SHROOM3: variants seen among roughly 807,000 people sequenced by gnomAD.
The protein encoded by SHROOM3 is shroom family member 3, also known as protein Shroom3.
SHROOM3 carries 47 observed loss-of-function variants against 138.6 expected under a neutral mutation model. That is an observed-to-expected ratio of 0.34 (90% CI 0.27 to 0.43). The LOEUF is 0.43. Ranked by LOEUF, SHROOM3 falls within the 20% of genes least tolerant of loss-of-function variation. SHROOM3 has a pLI of 1.00. For synonymous variants in SHROOM3, 1,062 were observed against 1,063.3 expected, an observed-to-expected ratio of 1.00 and a Z score of 0.02; for missense variants, 2,491 against 2,596.5, an observed-to-expected ratio of 0.96 and a Z score of 0.88.
At chr4:76,471,543 G>A (rs1731373814) in intron 1 of SHROOM3, among the ~76,000 whole-genome samples, 1 of 152,146 alleles carries the variant, frequency 6.6e-6, no homozygotes, top group African/African-American at 2.4e-5. Flanking sequence ...CGCCCAGCCA[G>A]TTTGTTCTTT....
At chr4:76,503,281 G>GT (rs1732139548) in intron 1 of SHROOM3, among the ~76,000 whole-genome samples, 1 of 151,822 alleles carries the variant, frequency 6.6e-6, no homozygotes, top group Admixed American at 6.6e-5. Flanking sequence ...TGAACGTTAT[G>GT]TTTAGGTCTT....
At chr4:76,483,971 A>C (rs1227798441) in intron 1 of SHROOM3, among the ~76,000 whole-genome samples, 2 of 119,242 alleles carry the variant, frequency 1.7e-5, no homozygotes, top group East Asian at 5.5e-4. Context: ...GGAGGGGAAT[A>C]TTACTTACTG....
At chr4:76,493,509 A>G (rs1293609658) in intron 1 of SHROOM3, among the ~76,000 whole-genome samples, 1 of 152,086 alleles carries the variant, frequency 6.6e-6, no homozygotes, top group Non-Finnish European at 1.5e-5. Context: ...GTCTTGATAG[A>G]TATGGTGTCC....
chr4:76,577,461 A>G (rs1733964769), intron 2 of SHROOM3, among the ~76,000 whole-genome samples: 1 of 152,190 alleles, frequency 6.6e-6, no homozygotes, highest in Non-Finnish European at 1.5e-5. Context: ...CAGCCTCCCT[A>G]GAGGCAGCAA....
In SHROOM3 at chr4:76,739,304, T is replaced by A; in HGVS notation, c.1131T>A (p.Pro377=). 1.2e-6 allele frequency: 2 copies of A among 1,613,904 alleles called. No individual in the cohort carries two copies. Among genetic ancestry groups the A allele is most frequent in the Non-Finnish European group, 1.7e-6 (2 of 1,179,954 alleles). ...SSLETATDNL[P]PKVGAPLPPA... ...TGGAGACTGCCACGGACAACCTTCC[T>A]CCTAAGGTGGGTGCACCCCTGCCTC... is the stretch of plus-strand genomic sequence containing the variant. Residue 377 remains proline, a synonymous_variant, in exon 5 of 11, where the codon CCT becomes CCA. Coordinates refer to ENST00000296043, the MANE Select transcript of SHROOM3 (RefSeq NM_020859.4).
At chr4:76,657,278 G>T (rs1456908102) in intron 2 of SHROOM3, among the ~76,000 whole-genome samples, 1 of 152,084 alleles carries the variant, frequency 6.6e-6, no homozygotes, top group Non-Finnish European at 1.5e-5. Flanking sequence ...AAACATTTAT[G>T]TAAGGCCGTT....
At chr4:76,732,995 C>T (rs1290867519) in intron 4 of SHROOM3, among the ~76,000 whole-genome samples, 1 of 152,110 alleles carries the variant, frequency 6.6e-6, no homozygotes, top group South Asian at 2.1e-4. Context: ...TGGTACTGAA[C>T]TTGAGGGTGA....
intron 2 of SHROOM3, among the ~76,000 whole-genome samples, chr4:76,677,706 T>C (rs1051693155): frequency 6.6e-6 from 1 of 152,220 alleles, no homozygotes; most frequent in African/African-American, 2.4e-5. Context: ...TACAAGCACA[T>C]GTTGGACACC....
chr4:76,647,876 G>C (rs1735860543), intron 2 of SHROOM3, among the ~76,000 whole-genome samples: 1 of 152,012 alleles, frequency 6.6e-6, no homozygotes. Flanking sequence ...CCCAGCCTGG[G>C]AGACACAGCT....
At chr4:76,628,173 T>G (rs1045312489) in intron 2 of SHROOM3, among the ~76,000 whole-genome samples, 3 of 152,162 alleles carry the variant, frequency 2.0e-5, no homozygotes, top group African/African-American at 7.2e-5. Context: ...TATAAAAAAA[T>G]TATAGAGTTA....
chr4:76,527,739 G>T (rs1315656511), intron 1 of SHROOM3, among the ~76,000 whole-genome samples: 1 of 152,216 alleles, frequency 6.6e-6, no homozygotes, highest in Non-Finnish European at 1.5e-5. Flanking sequence ...TCAAAGGAAG[G>T]CTGGCTCCAT....
intron 2 of SHROOM3, among the ~76,000 whole-genome samples, chr4:76,578,680 T>C (rs1041904979): frequency 2.6e-5 from 4 of 152,226 alleles, no homozygotes; most frequent in Admixed American, 1.3e-4. Context: ...GGAAAGGTCT[T>C]GATGGAACCT....
intron 9 of SHROOM3, among the ~76,000 whole-genome samples, chr4:76,770,324 CAAAAAA>C (rs529468839): frequency 0.22 from 7,652 of 35,010 alleles, 150 homozygotes; most frequent in East Asian, 0.36. Flanking sequence ...AACTCTGTCT[CAAAAAA>C]AAAAAAAAAA....
intron 4 of SHROOM3, among the ~76,000 whole-genome samples, chr4:76,734,353 G>T (rs537030320): frequency 2.6e-5 from 4 of 152,084 alleles, no homozygotes; most frequent in African/African-American, 9.7e-5. Context: ...GTTTATAAAA[G>T]ACTCAGAAAT....
intron 2 of SHROOM3, among the ~76,000 whole-genome samples, chr4:76,584,941 AC>A (rs1734123068): frequency 2.0e-5 from 3 of 152,024 alleles, no homozygotes; most frequent in Non-Finnish European, 4.4e-5. Flanking sequence ...TCTGTGCCCC[AC>A]CCCATTCCTA....
intron 2 of SHROOM3, among the ~76,000 whole-genome samples, chr4:76,651,844 C>CATCT (rs1735968604): frequency 6.6e-6 from 1 of 152,120 alleles, no homozygotes; most frequent in South Asian, 2.1e-4. Flanking sequence ...GAATATGAGT[C>CATCT]ATCTATACAG....
At chr4:76,631,506 C>A (rs865918512) in intron 2 of SHROOM3, among the ~76,000 whole-genome samples, 49 of 152,204 alleles carry the variant, frequency 3.2e-4, no homozygotes, top group Middle Eastern at 3.4e-3. Flanking sequence ...AGCCACCACA[C>A]CTGGCCGCAA....
At chr4:76,583,293 C>CT (rs1734087357) in intron 2 of SHROOM3, among the ~76,000 whole-genome samples, 2 of 152,180 alleles carry the variant, frequency 1.3e-5, no homozygotes, top group Non-Finnish European at 2.9e-5. Context: ...GCTCACCATT[C>CT]TTCTGTCCAT....
chr4:76,755,221 C>G lies in SHROOM3; in HGVS notation c.4709+29C>G, dbSNP rs557356335. 6.7e-5 allele frequency: 108 copies of G among 1,608,148 alleles called. 2 individuals carry two copies. In the South Asian group the frequency reaches 1.1e-3, roughly 17 times the overall value. ...AGTGAGCAGACTGGGCAGCTTTCCC[C>G]CACTAACAGGAGAGTGTCATGCCCC... On this transcript the variant is annotated intron_variant, in intron 7 of 10. Transcript: ENST00000296043.
Sources: gnomAD v4.1 joint callset for allele counts (sites outside exome capture counted in the v4.1 genomes callset) on GRCh38, gnomAD v4.1.1 for gene constraint, MANE v1.5 for transcripts, NCBI Gene and HGNC (gene_info 2026-07-23, HGNC 2026-07-21) for gene names.